DRD2: variants seen among roughly 807,000 people sequenced by gnomAD.
DRD2 encodes D(2) dopamine receptor.
Under a neutral mutation model 38.0 loss-of-function variants are expected in DRD2, and 8 were observed. The observed-to-expected ratio is 0.21, with a 90% CI of 0.12 to 0.38. The LOEUF (loss-of-function observed/expected upper bound fraction) is 0.38, where lower values mean the gene tolerates loss of function less well. DRD2 is among the 10% of genes least tolerant of loss of function. The pLI is 1.00. For synonymous variants in DRD2, 230 were observed against 238.6 expected, an observed-to-expected ratio of 0.96 and a Z score of 0.33; for missense variants, 403 against 607.7, an observed-to-expected ratio of 0.66 and a Z score of 3.54.
At chr11:113,443,292 A>G (rs994947371) in intron 1 of DRD2, among the ~76,000 whole-genome samples, 1 of 151,966 alleles carries the variant, frequency 6.6e-6, no homozygotes, top group Non-Finnish European at 1.5e-5. Context: ...TTCATAGTAC[A>G]CTATTGGCTC....
rs1950758673 is a variant in DRD2 at position 113,410,560 on chromosome 11, G to A, written c.*167C>T. The A allele has an allele frequency of 1.2e-6, 1 of 867,206 alleles. No individual in the cohort carries two copies. 53.7% of individuals were successfully genotyped at this position (867,206 alleles called of 1,614,324 possible). On this transcript the variant is annotated 3_prime_UTR_variant, in exon 8 of 8. Coordinates refer to ENST00000362072, the MANE Select transcript of DRD2 (RefSeq NM_000795.4). ...CTAGCACTGCCCTGGCAGAGTGAGG[G>A]TGTGCGGGCAGTGAGGAGCATGGAG... is the stretch of plus-strand genomic sequence containing the variant.
chr11:113,429,764 G>A (rs1950970092), intron 1 of DRD2, among the ~76,000 whole-genome samples: 1 of 152,152 alleles, frequency 6.6e-6, no homozygotes, highest in African/African-American at 2.4e-5. Flanking sequence ...TCGAGTTGAG[G>A]ACTAAAAAAC....
At chr11:113,463,998 C>T (rs1951345841) in intron 1 of DRD2, among the ~76,000 whole-genome samples, 1 of 152,154 alleles carries the variant, frequency 6.6e-6, no homozygotes, top group Admixed American at 6.5e-5. Context: ...TAGAAGGTTA[C>T]AGGTGGCACA....
chr11:113,415,367 C>CT (rs1950815180), intron 5 of DRD2, 54 bp downstream of exon 5: 1 of 1,559,954 alleles, frequency 6.4e-7, no homozygotes, highest in Non-Finnish European at 8.7e-7. Context: ...GATGAGCCCT[C>CT]TTGGTAATGG....
intron 1 of DRD2, among the ~76,000 whole-genome samples, chr11:113,451,519 T>C (rs966859236): frequency 2.6e-5 from 4 of 152,216 alleles, no homozygotes; most frequent in Admixed American, 6.5e-5. Context: ...TGAGATGGAA[T>C]CTTGCTCTGT....
intron 1 of DRD2, among the ~76,000 whole-genome samples, chr11:113,455,955 A>C (rs773356761): frequency 1.4e-4 from 22 of 152,256 alleles, no homozygotes; most frequent in Non-Finnish European, 8.8e-5. Flanking sequence ...CAAAGGAACT[A>C]AGATCAGCAC....
intron 5 of DRD2, among the ~76,000 whole-genome samples, chr11:113,415,033 A>G (rs1950811977): frequency 6.6e-6 from 1 of 152,078 alleles, no homozygotes; most frequent in Non-Finnish European, 1.5e-5. Flanking sequence ...GTGTGTTTGG[A>G]GGGGAGGACA....
Position 113,414,454 on chromosome 11 carries a change from C to T in DRD2, c.731G>A (p.Cys244Tyr), listed in dbSNP as rs794727782. ...AHLRAPLKGN[C>Y]THPEDMKLCT... ...GAGTTTCATGTCCTCGGGGTGAGTA[C>T]AGTTGCCCTGTGGAGTGAGCCAGCA... is the stretch of plus-strand genomic sequence containing the variant. The change falls in exon 6 of 8, where the codon TGT becomes TAT. Residue 244 changes from cysteine (C) to tyrosine (Y), a missense_variant. Transcript: ENST00000362072. The T allele has an allele frequency of 6.2e-7, 1 of 1,614,168 alleles. No individual in the cohort carries two copies. The highest frequency in any genetic ancestry group is 8.5e-7 in the Non-Finnish European group (1 of 1,180,034).
chr11:113,442,028 C>A (rs928591646), intron 1 of DRD2, among the ~76,000 whole-genome samples: 2 of 151,992 alleles, frequency 1.3e-5, no homozygotes, highest in African/African-American at 4.8e-5. Context: ...AGTCCTTATC[C>A]TTTAAAGATA....
chr11:113,471,180 AAT>A (rs1258566957), intron 1 of DRD2, among the ~76,000 whole-genome samples: 1 of 152,186 alleles, frequency 6.6e-6, no homozygotes, highest in Admixed American at 6.5e-5. Context: ...ACATTTAGAT[AAT>A]ATGATTCTAT....
rs534261416 is a variant in DRD2 at position 113,469,859 on chromosome 11, A to T, written c.-32+5217T>A. The stretch of plus-strand genomic sequence containing the variant: ...CTCTCTAAAAATGAAAATAATAAAT[A>T]AATAAATAAATAATAAACAAACAAA... On this transcript the variant is annotated intron_variant, in intron 1 of 7. Coordinates refer to ENST00000362072, the MANE Select transcript of DRD2 (RefSeq NM_000795.4). Among the ~76,000 whole-genome samples the T allele has an allele frequency of 8.5e-5, 13 of 152,254 alleles. 1 individual carries two copies. The East Asian group carries it at 2.3e-3, about 27-fold the overall frequency.
At chr11:113,467,047 G>A (rs1272690320) in intron 1 of DRD2, among the ~76,000 whole-genome samples, 4 of 152,136 alleles carry the variant, frequency 2.6e-5, no homozygotes, top group African/African-American at 7.2e-5. Flanking sequence ...ACCGTGGTGC[G>A]GGGGCAGGCG....
chr11:113,417,035 G>T (rs201629583), intron 3 of DRD2, 36 bp from the exon 4 acceptor site: 41 of 1,609,862 alleles, frequency 2.5e-5, no homozygotes, highest in Non-Finnish European at 3.4e-5. Context: ...TGGGGTGCAG[G>T]CCCAGGGACC....
chr11:113,470,608 C>G (rs185627590), intron 1 of DRD2, among the ~76,000 whole-genome samples: 1 of 152,256 alleles, frequency 6.6e-6, no homozygotes, highest in Non-Finnish European at 1.5e-5. Context: ...AAAATCCTTA[C>G]AGGTGACATC....
chr11:113,412,751 G>A lies in DRD2; in HGVS notation c.943C>T (p.Leu315Phe). 7 of 1,614,050 alleles carry A rather than the reference G, an allele frequency of 4.3e-6. No individual in the cohort carries two copies. Among genetic ancestry groups the A allele is most frequent in the Middle Eastern group, 1.6e-4 (1 of 6,062 alleles). The change falls in exon 7 of 8, where the codon CTC (leucine) becomes TTC (phenylalanine). Residue 315 changes from leucine (L) to phenylalanine (F), a missense_variant. This residue lies in a region of DRD2 where 166 missense variants were observed against 178.6 expected (regional missense o/e 0.93). Coordinates refer to ENST00000362072, the MANE Select transcript of DRD2 (RefSeq NM_000795.4). The part of the protein sequence containing the change: ...LTLPDPSHHG[L>F]HSTPDSPAKP... ...GCGGGGCTGTCGGGAGTGCTGTGGA[G>A]ACCATGGTGGGACGGGTCGGGGAGA...
intron 1 of DRD2, among the ~76,000 whole-genome samples, chr11:113,448,809 G>A (rs1288921997): frequency 1.3e-5 from 2 of 152,126 alleles, no homozygotes; most frequent in East Asian, 3.9e-4. Flanking sequence ...CACCACACTG[G>A]GCCTGCGAAG....
chr11:113,426,343 T>G (rs1028646814), intron 1 of DRD2, among the ~76,000 whole-genome samples: 1 of 152,154 alleles, frequency 6.6e-6, no homozygotes, highest in Admixed American at 6.5e-5. Context: ...GTTGATGAAC[T>G]TGACAGCCGG....
intron 6 of DRD2, among the ~76,000 whole-genome samples, 170 bp from the exon 7 acceptor site, chr11:113,413,053 C>T (rs1357795244): frequency 6.6e-6 from 1 of 152,074 alleles, no homozygotes; most frequent in Non-Finnish European, 1.5e-5. Context: ...GGACCCATGG[C>T]AGCCCCTGCA....
rs568796679 is a variant in DRD2 at position 113,411,294 on chromosome 11, T to G, written c.1139-374A>C. Among the ~76,000 whole-genome samples, 269 of 152,320 alleles carry G rather than the reference T, an allele frequency of 1.8e-3. 1 individual carries two copies. Among genetic ancestry groups the G allele is most frequent in the Non-Finnish European group, 2.8e-3 (191 of 68,010 alleles). On this transcript the variant is annotated intron_variant, in intron 7 of 7. Coordinates refer to ENST00000362072, the MANE Select transcript of DRD2 (RefSeq NM_000795.4). Reference sequence around the variant, plus strand: ...CCCATGCCACTTAGTTCTTATAGCATCCTCATAAGGTACATAAGAAAAACA... The same window carrying G: ...CCCATGCCACTTAGTTCTTATAGCAGCCTCATAAGGTACATAAGAAAAACA...
Sources: allele counts gnomAD v4.1 joint callset (sites outside exome capture counted in the v4.1 genomes callset), GRCh38; gene constraint gnomAD v4.1.1; regional missense constraint gnomAD v4.1.1; transcripts MANE v1.5; gene names NCBI Gene and HGNC (gene_info 2026-07-23, HGNC 2026-07-21).